SYNE2: variants seen among roughly 807,000 people sequenced by gnomAD.
The protein encoded by SYNE2 is nesprin-2.
Under a neutral mutation model 856.3 loss-of-function variants are expected in SYNE2, and 431 were observed. The ratio of observed to expected loss-of-function variants is 0.50; its 90% CI spans 0.47 to 0.55. The LOEUF (loss-of-function observed/expected upper bound fraction) is 0.55, where lower values mean the gene tolerates loss of function less well. Ranked by LOEUF, SYNE2 falls within the 20% of genes least tolerant of loss-of-function variation. The pLI is 0.00. For synonymous variants in SYNE2, 2,923 were observed against 2,872.3 expected (o/e 1.02, Z -0.56); for missense variants, 8,129 against 8,023.2 (o/e 1.01, Z -0.50).
At chr14:63,974,439 AC>A (rs1273933302) in intron 11 of SYNE2, among the ~76,000 whole-genome samples, 3 of 152,128 alleles carry the variant, frequency 2.0e-5, no homozygotes, top group Non-Finnish European at 2.9e-5. Flanking sequence ...CTTTTCAGCA[AC>A]CAGCACTCAT....
intron 68 of SYNE2, among the ~76,000 whole-genome samples, chr14:64,121,478 A>G (rs1376855980): frequency 6.6e-6 from 1 of 152,214 alleles, no homozygotes. Flanking sequence ...AGCTAAGATC[A>G]CACCACTCTA....
intron 63 of SYNE2, 103 bp from the exon 64 acceptor site, chr14:64,101,829 C>T (rs2097732347): frequency 2.5e-6 from 2 of 806,312 alleles, no homozygotes; most frequent in African/African-American, 1.7e-5. Context: ...GGTTACACTG[C>T]CTGATAAGTT....
intron 66 of SYNE2, among the ~76,000 whole-genome samples, chr14:64,118,972 A>T (rs1037203180): frequency 6.6e-6 from 1 of 151,866 alleles, no homozygotes; most frequent in Non-Finnish European, 1.5e-5. Flanking sequence ...TAATTCATTC[A>T]CTCCTGATAA....
At chr14:64,161,757 A>AAAT (rs999027242) in intron 87 of SYNE2, among the ~76,000 whole-genome samples, 1 of 151,912 alleles carries the variant, frequency 6.6e-6, no homozygotes. Context: ...AAAAAAAAAA[A>AAAT]AGTTTGAGCT....
rs534918612 is a variant in SYNE2 at position 64,164,265 on chromosome 14, A to G, written c.16479+684A>G. ...GCTGGGACTACAGGTGCCTGCCACCATGCCTGGCTAATTTTTTTGTATTTT... is the reference window on the plus strand; with the variant it reads ...GCTGGGACTACAGGTGCCTGCCACCGTGCCTGGCTAATTTTTTTGTATTTT... On this transcript the variant is annotated intron_variant, in intron 89 of 115. Transcript: ENST00000555002. Among the ~76,000 whole-genome samples, 7 of 152,222 alleles carry G rather than the reference A, an allele frequency of 4.6e-5. No individual in the cohort carries two copies. The East Asian group carries it at 1.2e-3, about 25-fold the overall frequency.
At chr14:64,058,892 G>T (rs1010164897) in intron 49 of SYNE2, among the ~76,000 whole-genome samples, 2 of 151,302 alleles carry the variant, frequency 1.3e-5, no homozygotes, top group East Asian at 3.9e-4. Flanking sequence ...TTTTCAAATT[G>T]CTTGTCTTCA....
In SYNE2 at chr14:64,056,109, G is replaced by C; in HGVS notation, c.9910G>C (p.Glu3304Gln). ...GCCTCTTCGAAAACAAGAGGAATTG[G>C]AATCCACAGTAGCACACATCCAGGA... ...EMPLRKQEELESTVAHIQDLT... is the reference protein window; with the variant it reads ...EMPLRKQEELQSTVAHIQDLT... Residue 3304 changes from glutamate (E) to glutamine (Q), a missense_variant, in exon 49 of 116, where the codon GAA becomes CAA. Glu to Gln is a conservative substitution (Grantham distance 29). Around this residue, in one of 3 missense-constraint regions of SYNE2, gnomAD observed 5,410 missense variants for 5,284.8 expected, o/e 1.02. Transcript: ENST00000555002. 1 of 1,614,136 alleles carries C rather than the reference G, an allele frequency of 6.2e-7. No homozygotes were observed. The highest frequency in any genetic ancestry group is 8.5e-7 in the Non-Finnish European group (1 of 1,180,028).
chr14:64,098,841 TGTTAAA>T lies in SYNE2; in HGVS notation c.12381+24_12381+29del, dbSNP rs1210554124. The T allele has an allele frequency of 3.1e-6, 5 of 1,611,336 alleles. No homozygotes were observed. The highest frequency in any genetic ancestry group is 3.3e-5 in the Admixed American group (2 of 59,850). On this transcript the variant is annotated intron_variant, in intron 63 of 115. Coordinates refer to ENST00000555002, the MANE Select transcript of SYNE2 (RefSeq NM_182914.3). ...AGCGATGTAAGGGAAATGATTTTCTTGTTAAAGTTTGTTAGAACCAGATCTCTAAAA... is the reference window on the plus strand; with the variant it reads ...AGCGATGTAAGGGAAATGATTTTCTTGTTTGTTAGAACCAGATCTCTAAAA...
intron 49 of SYNE2, among the ~76,000 whole-genome samples, chr14:64,057,819 G>T (rs2097285507): frequency 6.6e-6 from 1 of 152,134 alleles, no homozygotes; most frequent in Admixed American, 6.5e-5. Context: ...CATTTTAACT[G>T]GATGAGATGA....
intron 77 of SYNE2, among the ~76,000 whole-genome samples, chr14:64,133,570 C>CTATA (rs1339426639): frequency 1.3e-5 from 2 of 152,244 alleles, no homozygotes; most frequent in East Asian, 3.9e-4. Flanking sequence ...AAGTGTAAGC[C>CTATA]TATACTCCTC....
In SYNE2 at chr14:63,826,620, A is replaced by C. The variant is rs558284431; in HGVS notation, c.-304-25881A>C. On this transcript the variant is annotated intron_variant, in intron 1 of 23. Transcript: ENST00000674003. ...TGGCCAACAATAGTTTTTTCAATGTATGTTCCTGGGACAACATGATATCCA... is the reference window on the plus strand; with the variant it reads ...TGGCCAACAATAGTTTTTTCAATGTCTGTTCCTGGGACAACATGATATCCA... Among the ~76,000 whole-genome samples, 4 of 152,052 alleles carry C rather than the reference A, an allele frequency of 2.6e-5. No homozygotes were observed. The South Asian group carries it at 8.3e-4, about 32-fold the overall frequency.
chr14:63,911,352 C>T (rs1270184380), intron 2 of SYNE2, among the ~76,000 whole-genome samples: 1 of 152,184 alleles, frequency 6.6e-6, no homozygotes, highest in East Asian at 1.9e-4. Flanking sequence ...CCTCTGTTCT[C>T]CCGTAGTATC....
At position 63,991,124 on chromosome 14, in the gene SYNE2, C is replaced by A; in HGVS notation, c.2646+9C>A. On this transcript the variant is annotated intron_variant, in intron 21 of 115. Coordinates refer to ENST00000555002, the MANE Select transcript of SYNE2 (RefSeq NM_182914.3). ...TCATTTCAAAACACAAGGTGGGAAT[C>A]TTTTCAACCATCAAATGTAGGACAT... 1.9e-6 allele frequency: 3 copies of A among 1,613,756 alleles called. No individual in the cohort carries two copies. The highest frequency in any genetic ancestry group is 2.5e-6 in the Non-Finnish European group (3 of 1,179,780).
At chr14:64,209,167 G>T (rs562895141) in intron 101 of SYNE2, 1 of 814,706 alleles carries the variant, frequency 1.2e-6, no homozygotes, top group Non-Finnish European at 1.9e-6. Context: ...TGGACTGGCC[G>T]CTGTGCTTCC....
intron 1 of SYNE2, among the ~76,000 whole-genome samples, chr14:63,793,806 C>T (rs1272728767): frequency 6.7e-6 from 1 of 149,378 alleles, no homozygotes; most frequent in African/African-American, 2.5e-5. Context: ...GGCATGGTGG[C>T]ACATGCCTTT....
chr14:64,143,916 T>C lies in SYNE2; in HGVS notation c.15451T>C (p.Trp5151Arg). The C allele has an allele frequency of 6.2e-7, 1 of 1,614,176 alleles. No individual in the cohort carries two copies. Among genetic ancestry groups the C allele is most frequent in the Non-Finnish European group, 8.5e-7 (1 of 1,180,024 alleles). ...GCACCTGGGGGAGATGAACCGCCAG[T>C]GGCACCGTGTACATGGAATGCTGAA... ...AEHLGEMNRQ[W>R]HRVHGMLNRK... Residue 5151 changes from tryptophan to arginine, a missense_variant, in exon 83 of 116, where the codon TGG (tryptophan) becomes CGG (arginine). Trp to Arg is a moderately radical substitution (Grantham distance 101, BLOSUM62 -3). Coordinates refer to ENST00000555002, the MANE Select transcript of SYNE2 (RefSeq NM_182914.3).
At chr14:64,192,486 C>T (rs950961754) in intron 99 of SYNE2, among the ~76,000 whole-genome samples, 2 of 152,112 alleles carry the variant, frequency 1.3e-5, no homozygotes, top group Non-Finnish European at 2.9e-5. Flanking sequence ...TGTCTTCAGC[C>T]AACCTTTTGG....
intron 96 of SYNE2, among the ~76,000 whole-genome samples, chr14:64,184,055 C>T (rs1006146922): frequency 6.6e-6 from 1 of 152,110 alleles, no homozygotes; most frequent in Non-Finnish European, 1.5e-5. Context: ...ACAAACTGAT[C>T]GTCAGCTCTA....
intron 1 of SYNE2, among the ~76,000 whole-genome samples, chr14:63,794,373 A>T (rs887038440): frequency 1.3e-5 from 2 of 152,202 alleles, no homozygotes; most frequent in East Asian, 1.9e-4. Flanking sequence ...TATTTTTAGT[A>T]GAGACAGGGT....
Sources: allele counts gnomAD v4.1 joint callset (sites outside exome capture counted in the v4.1 genomes callset), GRCh38; gene constraint gnomAD v4.1.1; regional missense constraint gnomAD v4.1.1; transcripts MANE v1.5; gene names NCBI Gene and HGNC (gene_info 2026-07-23, HGNC 2026-07-21).